AGBL4: variants seen among roughly 807,000 people sequenced by gnomAD.
The protein encoded by AGBL4 is AGBL carboxypeptidase 4.
In AGBL4, 58 loss-of-function variants were observed where a neutral mutation model predicts 66.4. The ratio of observed to expected loss-of-function variants is 0.87; its 90% CI spans 0.71 to 1.09. The LOEUF is 1.09. Among genes scored for constraint, AGBL4 ranks in the 50% least tolerant of loss-of-function variants. The pLI is 0.00. For missense variants in AGBL4, 579 were observed against 631.0 expected (o/e 0.92, Z 0.88); for synonymous variants, 234 against 222.9 (o/e 1.05, Z -0.44).
intron 2 of AGBL4, among the ~76,000 whole-genome samples, chr1:49,814,726 G>A (rs189567962): frequency 9.1e-4 from 138 of 152,142 alleles, no homozygotes; most frequent in Middle Eastern, 3.4e-3. Context: ...TATTATATAA[G>A]ACCAACAGAT....
intron 4 of AGBL4, among the ~76,000 whole-genome samples, chr1:49,108,206 T>C (rs757565693): frequency 1.2e-4 from 19 of 152,190 alleles, no homozygotes; most frequent in Non-Finnish European, 1.5e-5. Flanking sequence ...CATCCTGTTG[T>C]TACCTATGAA....
At chr1:48,920,509 T>C (rs1653989015) in intron 5 of AGBL4, among the ~76,000 whole-genome samples, 1 of 152,194 alleles carries the variant, frequency 6.6e-6, no homozygotes, top group African/African-American at 2.4e-5. Flanking sequence ...GTGATTCACC[T>C]TCATATGCAG....
chr1:49,207,507 T>TTTTC (rs1241064351), intron 4 of AGBL4, among the ~76,000 whole-genome samples: 4 of 147,414 alleles, frequency 2.7e-5, no homozygotes, highest in African/African-American at 5.0e-5. Flanking sequence ...CTTTCTTTCT[T>TTTTC]TTTCTTTCTT....
At chr1:48,830,550 G>A (rs760053193) in intron 6 of AGBL4, among the ~76,000 whole-genome samples, 1 of 152,216 alleles carries the variant, frequency 6.6e-6, no homozygotes, top group Non-Finnish European at 1.5e-5. Context: ...TGTAGGTAAT[G>A]TCTGATAAGT....
At chr1:49,816,853 T>A (rs575338291) in intron 2 of AGBL4, among the ~76,000 whole-genome samples, 2 of 152,136 alleles carry the variant, frequency 1.3e-5, no homozygotes, top group South Asian at 4.1e-4. Flanking sequence ...GGGATAGAAG[T>A]CAAAACCCAT....
chr1:49,642,146 C>A (rs1571232106), intron 3 of AGBL4, among the ~76,000 whole-genome samples: 1 of 151,746 alleles, frequency 6.6e-6, no homozygotes, highest in Non-Finnish European at 1.5e-5. Context: ...ATAAATACTT[C>A]TTAAAGGAAA....
intron 1 of AGBL4, among the ~76,000 whole-genome samples, chr1:50,009,837 C>T (rs2148434248): frequency 6.6e-6 from 1 of 152,166 alleles, no homozygotes; most frequent in East Asian, 1.9e-4. Context: ...ATATCAGTAG[C>T]ATTTCTATAT....
intron 5 of AGBL4, among the ~76,000 whole-genome samples, chr1:48,870,487 G>C (rs918896745): frequency 5.9e-5 from 9 of 152,130 alleles, no homozygotes; most frequent in African/African-American, 1.4e-4. Context: ...TTATGCCTCT[G>C]CAATGACCCT....
At chr1:49,706,282 G>T (rs150850800) in intron 2 of AGBL4, among the ~76,000 whole-genome samples, 2 of 152,084 alleles carry the variant, frequency 1.3e-5, no homozygotes, top group Non-Finnish European at 2.9e-5. Flanking sequence ...TCTTGGGAGG[G>T]TGTTGTGTCC....
chr1:48,595,526 G>A lies in AGBL4; in HGVS notation c.952-4541C>T, dbSNP rs201648093. On this transcript the variant is annotated intron_variant, in intron 9 of 13. Transcript: ENST00000371839. ...ATTTGGGAATGAGAATAGAAGGTGG[G>A]GGATGGGGAGAGCATCTCCGTTCTT... Among the ~76,000 whole-genome samples the A allele has an allele frequency of 3.9e-5, 6 of 152,328 alleles. No homozygotes were observed. The East Asian group carries it at 9.6e-4, about 24-fold the overall frequency.
At chr1:49,449,959 A>G (rs143443876) in intron 3 of AGBL4, among the ~76,000 whole-genome samples, 1 of 152,122 alleles carries the variant, frequency 6.6e-6, no homozygotes, top group Non-Finnish European at 1.5e-5. Flanking sequence ...TCATGTGGGA[A>G]TGTTGACTAT....
At chr1:48,989,807 G>C (rs1660468557) in intron 5 of AGBL4, among the ~76,000 whole-genome samples, 1 of 152,122 alleles carries the variant, frequency 6.6e-6, no homozygotes, top group East Asian at 1.9e-4. Flanking sequence ...TCCAGATCTT[G>C]GCTATTGTGA....
intron 3 of AGBL4, among the ~76,000 whole-genome samples, chr1:49,378,395 A>G (rs1360185903): frequency 6.6e-6 from 1 of 152,064 alleles, no homozygotes; most frequent in African/African-American, 2.4e-5. Flanking sequence ...TATAAATAAT[A>G]GTGTCTACCT....
At chr1:49,937,732 G>C (rs1654244457) in intron 1 of AGBL4, among the ~76,000 whole-genome samples, 1 of 152,150 alleles carries the variant, frequency 6.6e-6, no homozygotes, top group Admixed American at 6.5e-5. Flanking sequence ...ACCTGCTCCT[G>C]AATGACTACT....
intron 2 of AGBL4, among the ~76,000 whole-genome samples, chr1:49,714,850 A>C (rs980687531): frequency 6.6e-6 from 1 of 152,002 alleles, no homozygotes. Context: ...AGAAATCTCC[A>C]TACTGTTTTC....
intron 3 of AGBL4, among the ~76,000 whole-genome samples, chr1:49,419,184 C>T (rs909667051): frequency 1.3e-5 from 2 of 152,026 alleles, no homozygotes; most frequent in African/African-American, 4.8e-5. Flanking sequence ...AGTGTTCTCC[C>T]AGATAAATAG....
intron 5 of AGBL4, among the ~76,000 whole-genome samples, chr1:48,995,971 A>G (rs998781038): frequency 2.0e-5 from 3 of 152,174 alleles, no homozygotes; most frequent in African/African-American, 7.2e-5. Flanking sequence ...CAGTCCAAAC[A>G]TATAATAGTG....
At chr1:49,773,891 G>A (rs1644129175) in intron 2 of AGBL4, among the ~76,000 whole-genome samples, 1 of 152,192 alleles carries the variant, frequency 6.6e-6, no homozygotes, top group Non-Finnish European at 1.5e-5. Context: ...TGCCTCATCT[G>A]TTCAGACATC....
chr1:48,656,823 G>A (rs764861441), intron 7 of AGBL4, among the ~76,000 whole-genome samples: 13 of 152,088 alleles, frequency 8.5e-5, no homozygotes, highest in Non-Finnish European at 1.6e-4. Context: ...TCATAAAGAG[G>A]GGCAGGAGGG....
Sources: gnomAD v4.1 joint callset for allele counts (sites outside exome capture counted in the v4.1 genomes callset) on GRCh38, gnomAD v4.1.1 for gene constraint, MANE v1.5 for transcripts, NCBI Gene and HGNC (gene_info 2026-07-23, HGNC 2026-07-21) for gene names.